WNK2: variants seen among roughly 807,000 people sequenced by gnomAD.
The protein encoded by WNK2 is WNK lysine deficient protein kinase 2.
WNK2 carries 67 observed loss-of-function variants against 192.1 expected under a neutral mutation model. The ratio of observed to expected loss-of-function variants is 0.35; its 90% CI spans 0.29 to 0.43. The LOEUF (loss-of-function observed/expected upper bound fraction) is 0.43, where lower values mean the gene tolerates loss of function less well. Ranked by LOEUF, WNK2 falls within the 20% of genes least tolerant of loss-of-function variation. WNK2 has a pLI of 1.00. For missense variants in WNK2, 2,698 were observed against 3,089.7 expected, an observed-to-expected ratio of 0.87 and a Z score of 3.01; for synonymous variants, 1,439 against 1,393.9, an observed-to-expected ratio of 1.03 and a Z score of -0.72.
At chr9:93,319,571 C>T (rs966473319) in intron 29 of WNK2, among the ~76,000 whole-genome samples, 1 of 152,250 alleles carries the variant, frequency 6.6e-6, no homozygotes, top group Non-Finnish European at 1.5e-5. Context: ...TCCTGGTCAG[C>T]GAGACACACC....
At chr9:93,230,132 C>G (rs143076448) in intron 3 of WNK2, among the ~76,000 whole-genome samples, 6 of 152,038 alleles carry the variant, frequency 3.9e-5, no homozygotes, top group Non-Finnish European at 7.4e-5. Context: ...AGGCTCAGGA[C>G]GCAGGCTGGG....
intron 23 of WNK2, among the ~76,000 whole-genome samples, chr9:93,297,116 C>CCTCCCCTCGGCGTG: frequency 6.9e-6 from 1 of 145,820 alleles, no homozygotes; most frequent in Admixed American, 6.8e-5. Flanking sequence ...CCCTTGGCGT[C>CCTCCCCTCGGCGTG]CTCCCCTCGG....
In WNK2 at chr9:93,267,884, C is replaced by T. The variant is rs746487297; in HGVS notation, c.3835C>T (p.His1279Tyr). 22 of 1,612,696 alleles carry T rather than the reference C, an allele frequency of 1.4e-5. No individual in the cohort carries two copies. The highest frequency in any genetic ancestry group is 1.9e-5 in the Non-Finnish European group (22 of 1,179,530). Reference protein sequence around the residue: ...RGSDPGTSPPHLSTCGLGTGE... With the variant: ...RGSDPGTSPPYLSTCGLGTGE... ...CTCCGACCCAGGGACCAGCCCGCCA[C>T]ACCTCAGCACCTGCGGCCTGGGCAC... is the stretch of plus-strand genomic sequence containing the variant. Residue 1279 changes from histidine to tyrosine, a missense_variant, in exon 17 of 30, where the codon CAC becomes TAC. Physicochemically the swap from His to Tyr is moderately conservative, Grantham distance 83. This residue lies in a region of WNK2 where 1,098 missense variants were observed against 1,101.0 expected (regional missense o/e 1.00). Transcript: ENST00000427277.
chr9:93,247,790 A>G lies in WNK2; in HGVS notation c.1790A>G (p.His597Arg). The change falls in exon 8 of 30, where the codon CAC becomes CGC. Residue 597 changes from histidine to arginine, a missense_variant. Physicochemically the swap from His to Arg is conservative, Grantham distance 29 (BLOSUM62 0). This residue lies in a region of WNK2 where 893 missense variants were observed against 909.0 expected (regional missense o/e 0.98). Transcript: ENST00000427277. The surrounding 1 kb of genome is among the most constrained non-coding windows in gnomAD (Gnocchi z 5.2). ...PEPEEPEADQ[H>R]LLPPTLPTSA... is the part of the protein sequence containing the mutation. The stretch of plus-strand genomic sequence containing the variant: ...CCCGAGGAGCCGGAGGCCGACCAGC[A>G]CCTCCTGCCACCTACGTTGCCGACC... 3 of 1,545,602 alleles carry G rather than the reference A, an allele frequency of 1.9e-6. No homozygotes were observed. The highest frequency in any genetic ancestry group is 2.6e-6 in the Non-Finnish European group (3 of 1,148,230).
intron 26 of WNK2, among the ~76,000 whole-genome samples, chr9:93,302,275 T>C (rs1176980933): frequency 6.6e-6 from 1 of 152,054 alleles, no homozygotes. Flanking sequence ...GCGCCAGGCT[T>C]GGAGGCCAGG....
At position 93,211,239 on chromosome 9, in the gene WNK2, C is replaced by CACTCACTCATCCACTCACTT. The variant is rs1834559596; in HGVS notation, c.682-18456_682-18455insCTCACTCATCCACTCACTTA. Among the ~76,000 whole-genome samples, 6 of 19,714 alleles carry CACTCACTCATCCACTCACTT rather than the reference C, an allele frequency of 3.0e-4. 1 individual carries two copies. Among genetic ancestry groups the CACTCACTCATCCACTCACTT allele is most frequent in the African/African-American group, 1.3e-3 (6 of 4,720 alleles). The allele number at this position is 19,714 out of a possible 152,430, so 12.9% of individuals were successfully genotyped here. On this transcript the variant is annotated intron_variant, in intron 2 of 29. Transcript: ENST00000427277. Reference sequence around the variant, plus strand: ...TCACTCATCCACTCACTCACTCACTCATTCACTCACTCACTCATTCACTCA... The same window carrying CACTCACTCATCCACTCACTT: ...TCACTCATCCACTCACTCACTCACTCACTCACTCATCCACTCACTTATTCACTCACTCACTCATTCACTCA...
rs946396222 is a variant in WNK2 at position 93,276,893 on chromosome 9, G to A, written c.4033+8147G>A. Among the ~76,000 whole-genome samples, 6 of 152,088 alleles carry A rather than the reference G, an allele frequency of 3.9e-5. No individual in the cohort carries two copies. The South Asian group carries it at 6.2e-4, about 16-fold the overall frequency. ...TCTACTAAAAATACAAAAATTAGCCGGCCGTGGTGGCGGGCACCTGTAATC... is the reference window on the plus strand; with the variant it reads ...TCTACTAAAAATACAAAAATTAGCCAGCCGTGGTGGCGGGCACCTGTAATC... On this transcript the variant is annotated intron_variant, in intron 19 of 29. Coordinates refer to ENST00000427277, the MANE Select transcript of WNK2 (RefSeq NM_006648.4).
At chr9:93,252,358 G>T (rs556735876) in intron 8 of WNK2, among the ~76,000 whole-genome samples, 14 of 152,374 alleles carry the variant, frequency 9.2e-5, no homozygotes, top group African/African-American at 2.6e-4. Flanking sequence ...CAGGGGAATA[G>T]TGGGTGCATT....
At chr9:93,270,933 T>C (rs1200181334) in intron 19 of WNK2, among the ~76,000 whole-genome samples, 1 of 152,178 alleles carries the variant, frequency 6.6e-6, no homozygotes, top group Non-Finnish European at 1.5e-5. Context: ...AGCCGCAGAA[T>C]TGGGTGGTTT....
At position 93,320,505 on chromosome 9, in the gene WNK2, C is replaced by A; in HGVS notation, c.*113C>A. On this transcript the variant is annotated 3_prime_UTR_variant, in exon 30 of 30. Coordinates refer to ENST00000427277, the MANE Select transcript of WNK2 (RefSeq NM_006648.4). ...CGCTGTTTTGTAACCACTTTCTAAG[C>A]ATTTTTTATTCACAATTGGAAACAC... 1 of 1,127,706 alleles carries A rather than the reference C, an allele frequency of 8.9e-7. No homozygotes were observed. The highest frequency in any genetic ancestry group is 1.2e-6 in the Non-Finnish European group (1 of 820,840). 69.9% of individuals were successfully genotyped at this position (1,127,706 alleles called of 1,614,324 possible). A position where few individuals can be genotyped will look rare whatever the true frequency, so the allele number is the denominator to read the frequency against.
chr9:93,300,354 G>C, intron 26 of WNK2: 1 of 534,350 alleles, frequency 1.9e-6, no homozygotes, highest in Non-Finnish European at 3.3e-6. Flanking sequence ...GCCCCACACA[G>C]CGTGTGTGCA....
intron 19 of WNK2, among the ~76,000 whole-genome samples, chr9:93,281,740 G>C (rs1007932606): frequency 1.3e-5 from 2 of 152,054 alleles, no homozygotes; most frequent in Non-Finnish European, 2.9e-5. Context: ...AAAATCAAAG[G>C]CACATGGGAA....
chr9:93,305,403 G>A (rs1212866863), intron 26 of WNK2, among the ~76,000 whole-genome samples: 1 of 152,180 alleles, frequency 6.6e-6, no homozygotes, highest in Non-Finnish European at 1.5e-5. Flanking sequence ...TCAGCTCTGT[G>A]TTCCTGGCAG....
At chr9:93,264,661 TGTG>T (rs1844875120) in intron 16 of WNK2, among the ~76,000 whole-genome samples, 1 of 152,194 alleles carries the variant, frequency 6.6e-6, no homozygotes, top group Non-Finnish European at 1.5e-5. Context: ...AGGATGTACA[TGTG>T]GTCCTCAAAT....
chr9:93,289,942 C>G, intron 20 of WNK2, 36 bp from the exon 21 acceptor site: 2 of 1,542,374 alleles, frequency 1.3e-6, no homozygotes, highest in Non-Finnish European at 8.8e-7. Context: ...ACCTGTGAGT[C>G]TCACGGCTCT....
chr9:93,301,875 T>C (rs1012228337), intron 26 of WNK2, among the ~76,000 whole-genome samples: 1 of 152,202 alleles, frequency 6.6e-6, no homozygotes, highest in East Asian at 1.9e-4. Flanking sequence ...GTCTTAGTCT[T>C]AGTCTTTTTG....
chr9:93,308,083 T>G, intron 27 of WNK2: 2 of 679,294 alleles, frequency 2.9e-6, no homozygotes, highest in Non-Finnish European at 2.4e-6. Context: ...TGCTGCAGAG[T>G]CCTGTCCCCT....
At chr9:93,276,418 T>C (rs571974883) in intron 19 of WNK2, among the ~76,000 whole-genome samples, 36 of 152,358 alleles carry the variant, frequency 2.4e-4, no homozygotes, top group African/African-American at 8.7e-4. Context: ...AAGCCTCACA[T>C]TTTACTCAAA....
chr9:93,184,157 G>C lies in WNK2; in HGVS notation c.-231G>C, dbSNP rs909858849. 3.4e-5 allele frequency among the ~76,000 whole-genome samples: 5 copies of C among 148,272 alleles called. No homozygotes were observed. The East Asian group carries it at 8.0e-4, about 24-fold the overall frequency. On this transcript the variant is annotated 5_prime_UTR_variant, in exon 1 of 30. Coordinates refer to ENST00000427277, the MANE Select transcript of WNK2 (RefSeq NM_006648.4). ...CCCCGCCCTCCCCGCGCGCCGGGTC[G>C]GAGCCGGTGCGGGAGCGGAGCCGCG...
Sources: gnomAD v4.1 joint callset for allele counts (sites outside exome capture counted in the v4.1 genomes callset) on GRCh38, gnomAD v4.1.1 for gene constraint, gnomAD v4.1.1 regional missense constraint, Gnocchi (gnomAD v3.1) non-coding constraint, MANE v1.5 for transcripts, NCBI Gene and HGNC (gene_info 2026-07-23, HGNC 2026-07-21) for gene names.